Variants in SZRD1 observed in about 807,000 individuals in gnomAD.
SZRD1 encodes SUZ RNA binding domain containing 1.
Under a neutral mutation model 17.6 loss-of-function variants are expected in SZRD1, and 7 were observed. The observed-to-expected ratio is 0.40, with a 90% CI of 0.23 to 0.75. SZRD1 has a LOEUF of 0.75. Among genes scored for constraint, SZRD1 ranks in the 30% least tolerant of loss-of-function variants. The pLI, the probability that SZRD1 is intolerant of heterozygous loss-of-function variation, is 0.38. For synonymous variants in SZRD1, 77 were observed against 77.9 expected, an observed-to-expected ratio of 0.99 and a Z score of 0.06; for missense variants, 178 against 201.8, an observed-to-expected ratio of 0.88 and a Z score of 0.71.
chr1:16,371,128 G>A (rs750351252), intron 1 of SZRD1, among the ~76,000 whole-genome samples: 7 of 152,122 alleles, frequency 4.6e-5, no homozygotes, highest in Non-Finnish European at 8.8e-5. Flanking sequence ...AAAATCCAGC[G>A]GCAGTTCTAA....
intron 1 of SZRD1, among the ~76,000 whole-genome samples, chr1:16,373,026 A>G (rs2082939642): frequency 6.6e-6 from 1 of 151,128 alleles, no homozygotes; most frequent in Non-Finnish European, 1.5e-5. Context: ...GGGCCAAAGC[A>G]GGCATGGATG....
chr1:16,395,350 A>G lies in SZRD1; in HGVS notation c.*210A>G, dbSNP rs2085293580. On this transcript the variant is annotated 3_prime_UTR_variant, in exon 4 of 4. Transcript: ENST00000401088. ...TCTCCCCCTTCCCACTGTGATTGGC[A>G]CATCGACAAGGGCTGTCCCAAGTCA... The G allele has an allele frequency of 3.4e-6, 2 of 596,860 alleles. No homozygotes were observed. Among genetic ancestry groups the G allele is most frequent in the South Asian group, 1.8e-5 (1 of 54,186 alleles). The allele number at this position is 596,860 out of a possible 1,614,324, so 37.0% of individuals were successfully genotyped here.
chr1:16,380,763 T>TGGCC (rs1192404391), intron 1 of SZRD1, among the ~76,000 whole-genome samples: 3 of 152,058 alleles, frequency 2.0e-5, no homozygotes, highest in African/African-American at 4.8e-5. Context: ...CCACCGTGCG[T>TGGCC]GGCCACCTGA....
At chr1:16,377,336 A>C (rs2083021663) in intron 1 of SZRD1, among the ~76,000 whole-genome samples, 1 of 152,132 alleles carries the variant, frequency 6.6e-6, no homozygotes, top group African/African-American at 2.4e-5. Context: ...TAATCCCAGC[A>C]CTTTGGGAAG....
chr1:16,392,850 C>T (rs1441066270), intron 2 of SZRD1, among the ~76,000 whole-genome samples: 1 of 152,170 alleles, frequency 6.6e-6, no homozygotes, highest in African/African-American at 2.4e-5. Flanking sequence ...CTCTGATCTG[C>T]GTAGAGAAGC....
At chr1:16,387,564 C>G (rs546231130) in intron 1 of SZRD1, 1 of 456,690 alleles carries the variant, frequency 2.2e-6, no homozygotes, top group Non-Finnish European at 4.4e-6. Context: ...TCTTTGGTGC[C>G]CTGCAGCCCC....
At chr1:16,373,560 CAA>C (rs2082947724) in intron 1 of SZRD1, among the ~76,000 whole-genome samples, 2 of 124,642 alleles carry the variant, frequency 1.6e-5, no homozygotes, top group African/African-American at 6.2e-5. Context: ...GCCTGGGCAA[CAA>C]GAGTGGAACT....
At chr1:16,367,467 C>G (rs1271028661) in intron 1 of SZRD1, among the ~76,000 whole-genome samples, 159 bp downstream of exon 1, 1 of 151,988 alleles carries the variant, frequency 6.6e-6, no homozygotes, top group South Asian at 2.1e-4. Flanking sequence ...CCGTGAAGGC[C>G]TCTTAAAGGG....
intron 1 of SZRD1, chr1:16,387,091 A>G (rs987010433): frequency 3.1e-6 from 1 of 321,332 alleles, no homozygotes; most frequent in African/African-American, 2.2e-5. Flanking sequence ...CTGGGGAAGA[A>G]TGTTGACAGC....
intron 1 of SZRD1, among the ~76,000 whole-genome samples, chr1:16,370,188 A>T (rs2082889170): frequency 6.6e-6 from 1 of 150,548 alleles, no homozygotes; most frequent in South Asian, 2.1e-4. Context: ...ACCTGGGGAC[A>T]TGTGGAAAAT....
At position 16,397,218 on chromosome 1, in the gene SZRD1, AG is replaced by A. The variant is rs1229069388; in HGVS notation, c.*2081del. 1.3e-5 allele frequency: 2 copies of A among 152,404 alleles called. No individual in the cohort carries two copies. Among genetic ancestry groups the A allele is most frequent in the Non-Finnish European group, 1.5e-5 (1 of 68,086 alleles). 9.4% of individuals were successfully genotyped at this position (152,404 alleles called of 1,614,324 possible). On this transcript the variant is annotated 3_prime_UTR_variant, in exon 4 of 4. Transcript: ENST00000401088. This position sits in a 1 kb window ranked among gnomAD's most constrained non-coding sequence, Gnocchi z 5.4. The stretch of plus-strand genomic sequence containing the variant: ...GGTGTCTGTGGATTGAGGATGTGGC[AG>A]GGACTGGTCCTCCCACCTCCCTCTG...
At chr1:16,381,387 C>G (rs950443214) in intron 1 of SZRD1, among the ~76,000 whole-genome samples, 2 of 149,876 alleles carry the variant, frequency 1.3e-5, no homozygotes, top group Non-Finnish European at 3.0e-5. Context: ...GAAACCCCAT[C>G]TCTGTAGAAA....
intron 1 of SZRD1, among the ~76,000 whole-genome samples, chr1:16,380,557 C>T (rs1570017576): frequency 1.3e-5 from 2 of 152,182 alleles, no homozygotes; most frequent in South Asian, 4.1e-4. Context: ...CAGCCTCCAC[C>T]TCCCGGGTTC....
chr1:16,371,865 G>A (rs982175593), intron 1 of SZRD1, among the ~76,000 whole-genome samples: 1 of 152,190 alleles, frequency 6.6e-6, no homozygotes, highest in Non-Finnish European at 1.5e-5. Flanking sequence ...GGGCCCACAG[G>A]CGTGTACCAC....
At chr1:16,390,523 C>G (rs976830033) in intron 1 of SZRD1, 1 of 152,244 alleles carries the variant, frequency 6.6e-6, no homozygotes, top group Non-Finnish European at 1.5e-5. Context: ...ACTTGCTGCA[C>G]TCTCAGGTGT....
intron 1 of SZRD1, among the ~76,000 whole-genome samples, chr1:16,380,656 C>T (rs1312343237): frequency 5.9e-5 from 9 of 152,076 alleles, no homozygotes; most frequent in African/African-American, 1.9e-4. Context: ...TCCGTAGAGA[C>T]GGGGTTTCTC....
chr1:16,382,818 A>T (rs2083127109), intron 1 of SZRD1, among the ~76,000 whole-genome samples: 1 of 150,822 alleles, frequency 6.6e-6, no homozygotes, highest in Non-Finnish European at 1.5e-5. Context: ...CTAAGGTTAG[A>T]CTCTAAAGCA....
In SZRD1 at chr1:16,391,259, G is replaced by A. The variant is rs1358018877; in HGVS notation, c.52-116G>A. 3 of 754,908 alleles carry A rather than the reference G, an allele frequency of 4.0e-6. No individual in the cohort carries two copies. The highest frequency in any genetic ancestry group is 3.5e-5 in the African/African-American group (2 of 56,546). The allele number at this position is 754,908 out of a possible 1,614,324, so 46.8% of individuals were successfully genotyped here. A position where few individuals can be genotyped will look rare whatever the true frequency, so the allele number is the denominator to read the frequency against. The stretch of plus-strand genomic sequence containing the variant: ...CTAGTCCACATTTGTTATGTTGAAG[G>A]ACACAGTCATGTCCCTGGCTAGAGA... On this transcript the variant is annotated intron_variant, in intron 1 of 3. Coordinates refer to ENST00000401088, the MANE Select transcript of SZRD1 (RefSeq NM_001114600.3). This position sits in a 1 kb window ranked among gnomAD's most constrained non-coding sequence, Gnocchi z 4.3.
chr1:16,389,637 G>A (rs2085191989), intron 1 of SZRD1, among the ~76,000 whole-genome samples: 1 of 152,030 alleles, frequency 6.6e-6, no homozygotes, highest in Admixed American at 6.6e-5. Flanking sequence ...ATTAGAGACG[G>A]GGTTTCACCG....
Sources: allele counts gnomAD v4.1 joint callset (sites outside exome capture counted in the v4.1 genomes callset), GRCh38; gene constraint gnomAD v4.1.1; non-coding constraint Gnocchi (gnomAD v3.1); transcripts MANE v1.5; gene names NCBI Gene and HGNC (gene_info 2026-07-23, HGNC 2026-07-21).